ENOX1: variants seen among roughly 807,000 people sequenced by gnomAD.
The protein encoded by ENOX1 is candidate growth-related and time keeping constitutive hydroquinone (NADH) oxidase.
ENOX1 carries 42 observed loss-of-function variants against 82.5 expected under a neutral mutation model. The ratio of observed to expected loss-of-function variants is 0.51; its 90% CI spans 0.40 to 0.66. ENOX1 has a LOEUF of 0.66. Ranked by LOEUF, ENOX1 falls within the 30% of genes least tolerant of loss-of-function variation. The pLI, the probability that ENOX1 is intolerant of heterozygous loss-of-function variation, is 0.00. For missense variants in ENOX1, 608 were observed against 811.6 expected (o/e 0.75, Z 3.05); for synonymous variants, 271 against 282.2 (o/e 0.96, Z 0.40).
chr13:43,272,433 C>CCTGT (rs766011859), intron 12 of ENOX1, among the ~76,000 whole-genome samples: 2 of 152,140 alleles, frequency 1.3e-5, no homozygotes, highest in East Asian at 3.9e-4. Context: ...AGTCTACCTG[C>CCTGT]CTGTCAGTGG....
chr13:43,298,180 C>A (rs2046377892), intron 12 of ENOX1, among the ~76,000 whole-genome samples, 166 bp downstream of exon 12: 2 of 152,148 alleles, frequency 1.3e-5, no homozygotes, highest in Admixed American at 6.5e-5. Context: ...TCTCCAGATT[C>A]TACCCTTCCA....
At chr13:43,681,574 CT>C (rs1467323301) in intron 1 of ENOX1, among the ~76,000 whole-genome samples, 4 of 151,082 alleles carry the variant, frequency 2.6e-5, no homozygotes, top group African/African-American at 7.4e-5. Context: ...GACTTTATTG[CT>C]TGCTAAGCCT....
chr13:43,786,695 G>C lies in ENOX1; in HGVS notation c.-328C>G, dbSNP rs1435416807. 6.6e-6 allele frequency: 1 copy of C among 152,342 alleles called. No individual in the cohort carries two copies. The highest frequency in any genetic ancestry group is 1.5e-5 in the Non-Finnish European group (1 of 68,282). 9.4% of individuals were successfully genotyped at this position (152,342 alleles called of 1,614,324 possible). A position where few individuals can be genotyped will look rare whatever the true frequency, so the allele number is the denominator to read the frequency against. On this transcript the variant is annotated 5_prime_UTR_variant, in exon 1 of 17. Coordinates refer to ENST00000690772, the MANE Select transcript of ENOX1 (RefSeq NM_001347969.2). The surrounding 1 kb of genome is among the most constrained non-coding windows in gnomAD (Gnocchi z 6.0). Reference sequence around the variant, plus strand: ...GAGCGGAGGCAACCCGCTGCGCGGAGTGGGGCGCCGGGCGCGGCGCGGCTC... The same window carrying C: ...GAGCGGAGGCAACCCGCTGCGCGGACTGGGGCGCCGGGCGCGGCGCGGCTC...
chr13:43,221,578 G>A (rs574668103), intron 16 of ENOX1, among the ~76,000 whole-genome samples: 16 of 152,292 alleles, frequency 1.1e-4, no homozygotes, highest in Admixed American at 5.2e-4. Context: ...TCTGATACAA[G>A]AGAACCGGGT....
intron 1 of ENOX1, among the ~76,000 whole-genome samples, chr13:43,720,013 T>C (rs1594559582): frequency 6.6e-6 from 1 of 152,168 alleles, no homozygotes; most frequent in Non-Finnish European, 1.5e-5. Flanking sequence ...AAATTCAAGA[T>C]GTATATCTTT....
At chr13:43,357,788 G>T (rs1300708217) in intron 7 of ENOX1, among the ~76,000 whole-genome samples, 1 of 152,162 alleles carries the variant, frequency 6.6e-6, no homozygotes, top group African/African-American at 2.4e-5. Context: ...AATTAGCTAG[G>T]CCTTCAAACG....
intron 9 of ENOX1, among the ~76,000 whole-genome samples, chr13:43,329,813 C>T (rs147788987): frequency 4.5e-4 from 69 of 152,312 alleles, no homozygotes; most frequent in South Asian, 8.3e-4. Context: ...AGTATTCACA[C>T]GGCCCAGTTT....
chr13:43,311,943 T>C (rs7335732), intron 11 of ENOX1, among the ~76,000 whole-genome samples: 145,048 of 152,150 alleles, frequency 0.95, 69,555 homozygotes, highest in East Asian at 1. Context: ...TAGTATTGCA[T>C]GTGGAGACAT....
At chr13:43,273,687 C>G (rs1445402640) in intron 12 of ENOX1, among the ~76,000 whole-genome samples, 1 of 152,178 alleles carries the variant, frequency 6.6e-6, no homozygotes, top group Admixed American at 6.5e-5. Context: ...CCACTTACCC[C>G]TTTGGCCTGC....
Position 43,330,087 on chromosome 13 carries a change from G to T in ENOX1, c.1037-3562C>A, listed in dbSNP as rs1041094198. The stretch of plus-strand genomic sequence containing the variant: ...GCTTATAGCAGGAAACACCAGAGAG[G>T]AAGTCCATGAATTAGATGACCACTG... On this transcript the variant is annotated intron_variant, in intron 9 of 16. Coordinates refer to ENST00000690772, the MANE Select transcript of ENOX1 (RefSeq NM_001347969.2). Among the ~76,000 whole-genome samples the T allele has an allele frequency of 6.6e-5, 10 of 152,166 alleles. 1 individual carries two copies. Among genetic ancestry groups the T allele is most frequent in the Admixed American group, 3.9e-4 (6 of 15,272 alleles).
intron 11 of ENOX1, among the ~76,000 whole-genome samples, chr13:43,312,616 C>G (rs61951888): frequency 0.1 from 15,731 of 152,222 alleles, 980 homozygotes; most frequent in Middle Eastern, 0.15. Flanking sequence ...ACACATAACA[C>G]AGCAGTGAAC....
At chr13:43,552,041 A>G (rs746130360) in intron 2 of ENOX1, among the ~76,000 whole-genome samples, 24 of 151,958 alleles carry the variant, frequency 1.6e-4, no homozygotes, top group Non-Finnish European at 3.4e-4. Flanking sequence ...GTCATCTCCA[A>G]CCTCTCCAGG....
At chr13:43,489,052 A>C (rs566644998) in intron 2 of ENOX1, among the ~76,000 whole-genome samples, 3 of 151,592 alleles carry the variant, frequency 2.0e-5, no homozygotes, top group Non-Finnish European at 4.4e-5. Flanking sequence ...TGCATGACCA[A>C]GTGACTGTTT....
intron 3 of ENOX1, among the ~76,000 whole-genome samples, chr13:43,469,969 C>T (rs1237063008): frequency 2.0e-5 from 3 of 151,592 alleles, no homozygotes; most frequent in Non-Finnish European, 4.4e-5. Flanking sequence ...GAAATAGATG[C>T]ATATTTATGT....
chr13:43,731,754 T>A (rs9595006), intron 1 of ENOX1, among the ~76,000 whole-genome samples: 1 of 152,032 alleles, frequency 6.6e-6, no homozygotes, highest in Non-Finnish European at 1.5e-5. Context: ...AAATAAAATA[T>A]TTTTAAGCGA....
Position 43,359,836 on chromosome 13 carries a change from T to G in ENOX1, c.589+15A>C, listed in dbSNP as rs1306721821. On this transcript the variant is annotated intron_variant, in intron 7 of 16. Coordinates refer to ENST00000690772, the MANE Select transcript of ENOX1 (RefSeq NM_001347969.2). ...AACAAAATGCCTAGAAAACTCCTTA[T>G]GTAATGCAAAGTACCAGAAAGGTAA... 8 of 1,611,328 alleles carry G rather than the reference T, an allele frequency of 5.0e-6. No homozygotes were observed. Among genetic ancestry groups the G allele is most frequent in the Non-Finnish European group, 5.9e-6 (7 of 1,177,684 alleles).
intron 1 of ENOX1, among the ~76,000 whole-genome samples, chr13:43,745,386 T>C (rs570318626): frequency 2.0e-5 from 3 of 152,176 alleles, no homozygotes; most frequent in African/African-American, 4.8e-5. Flanking sequence ...ATCATACATA[T>C]ATACAAAGGC....
chr13:43,525,992 C>T (rs1009797020), intron 2 of ENOX1, among the ~76,000 whole-genome samples: 1 of 152,052 alleles, frequency 6.6e-6, no homozygotes, highest in Non-Finnish European at 1.5e-5. Flanking sequence ...CTATCCATAA[C>T]GGTTTCTACT....
At chr13:43,327,627 C>T (rs915175170) in intron 9 of ENOX1, among the ~76,000 whole-genome samples, 3 of 152,002 alleles carry the variant, frequency 2.0e-5, no homozygotes, top group African/African-American at 7.2e-5. Flanking sequence ...ATTCTAACAC[C>T]CCATCAACAT....
Sources: gnomAD v4.1 joint callset for allele counts (sites outside exome capture counted in the v4.1 genomes callset) on GRCh38, gnomAD v4.1.1 for gene constraint, Gnocchi (gnomAD v3.1) non-coding constraint, MANE v1.5 for transcripts, NCBI Gene and HGNC (gene_info 2026-07-23, HGNC 2026-07-21) for gene names.